Variants in COL27A1 observed in about 807,000 individuals in gnomAD.
The protein encoded by COL27A1 is collagen type XXVII alpha 1 chain, also known as collagen alpha-1(XXVII) chain.
Under a neutral mutation model 251.3 loss-of-function variants are expected in COL27A1, and 106 were observed. The observed-to-expected ratio is 0.42, with a 90% CI of 0.36 to 0.50. The LOEUF is 0.50. Ranked by LOEUF, COL27A1 falls within the 20% of genes least tolerant of loss-of-function variation. COL27A1 has a pLI of 0.00. For missense variants in COL27A1, 2,325 were observed against 2,522.8 expected, an observed-to-expected ratio of 0.92 and a Z score of 1.68; for synonymous variants, 1,000 against 986.3, an observed-to-expected ratio of 1.01 and a Z score of -0.26.
intron 41 of COL27A1, among the ~76,000 whole-genome samples, chr9:114,286,570 T>G (rs1296958062): frequency 6.6e-6 from 1 of 152,164 alleles, no homozygotes; most frequent in Admixed American, 6.5e-5. Flanking sequence ...GGGATGAGAC[T>G]CTGGGACTTG....
chr9:114,205,784 C>G lies in COL27A1; in HGVS notation c.2195C>G (p.Pro732Arg). Residue 732 changes from proline to arginine, a missense_variant, in exon 9 of 61, where the codon CCA (proline) becomes CGA (arginine). Pro to Arg is a moderately radical substitution (Grantham distance 103). Transcript: ENST00000356083. ...EQGQPGPEGSPGAKGYPGRQG... is the reference protein window; with the variant it reads ...EQGQPGPEGSRGAKGYPGRQG... Reference sequence around the variant, plus strand: ...GGGCAGCCAGGACCTGAGGGCAGCCCAGGGGCCAAAGGTTACCCTGGCAGG... The same window carrying G: ...GGGCAGCCAGGACCTGAGGGCAGCCGAGGGGCCAAAGGTTACCCTGGCAGG... 6.2e-7 allele frequency: 1 copy of G among 1,614,032 alleles called. No homozygotes were observed. Among genetic ancestry groups the G allele is most frequent in the Middle Eastern group, 1.7e-4 (1 of 6,056 alleles).
chr9:114,161,216 C>T lies in COL27A1; in HGVS notation c.63-1499C>T, dbSNP rs374789553. Among the ~76,000 whole-genome samples, 3 of 152,124 alleles carry T rather than the reference C, an allele frequency of 2.0e-5. No homozygotes were observed. In the East Asian group the frequency reaches 5.8e-4, roughly 29 times the overall value. The stretch of plus-strand genomic sequence containing the variant: ...CGAGCAGTATGTCCTTACTCAACAA[C>T]ATATAAAGACTTGAAGAAAACCTTC... On this transcript the variant is annotated intron_variant, in intron 1 of 60. Coordinates refer to ENST00000356083, the MANE Select transcript of COL27A1 (RefSeq NM_032888.4).
At chr9:114,270,676 G>A (rs1356961777) in intron 35 of COL27A1, 52 bp from the exon 36 acceptor site, 65 of 1,423,822 alleles carry the variant, frequency 4.6e-5, no homozygotes, top group South Asian at 4.4e-4. Flanking sequence ...AAAGCACACC[G>A]GGGCCTCCTC....
rs1384402295 is a variant in COL27A1 at position 114,292,701 on chromosome 9, A to G, written c.4584+491A>G. On this transcript the variant is annotated intron_variant, in intron 49 of 60. Transcript: ENST00000356083. ...AGACCCAACTACATCTGCTGCTACA[A>G]GAAATCCACTTCAAATATAAAGATA... is the stretch of plus-strand genomic sequence containing the variant. Among the ~76,000 whole-genome samples, 3 of 152,258 alleles carry G rather than the reference A, an allele frequency of 2.0e-5. No homozygotes were observed. The South Asian group carries it at 6.2e-4, about 31-fold the overall frequency.
At position 114,250,617 on chromosome 9, in the gene COL27A1, A is replaced by T. The variant is rs1314384469; in HGVS notation, c.2982A>T (p.Gly994=). Residue 994 remains glycine, a splice_region_variant and synonymous_variant, in exon 25 of 61, where the codon GGA becomes GGT. Coordinates refer to ENST00000356083, the MANE Select transcript of COL27A1 (RefSeq NM_032888.4). ...PGRPGPVGEQ[G]FMGFIGLVGE... The stretch of plus-strand genomic sequence containing the variant: ...GCTTTCGGGAATGTGTCTCATAGGG[A>T]TTTATGGGATTCATTGGTCTGGTCG... 5 of 1,611,548 alleles carry T rather than the reference A, an allele frequency of 3.1e-6. No homozygotes were observed. The highest frequency in any genetic ancestry group is 2.5e-6 in the Non-Finnish European group (3 of 1,177,894).
intron 3 of COL27A1, among the ~76,000 whole-genome samples, chr9:114,175,425 G>C (rs1827344482): frequency 6.6e-6 from 1 of 152,272 alleles, no homozygotes; most frequent in African/African-American, 2.4e-5. Context: ...GGGGAGAGGG[G>C]CCAGGGGGCA....
rs1226775120 is a variant in COL27A1 at position 114,304,613 on chromosome 9, A to G, written c.4878A>G (p.Gln1626=). Residue 1626 remains glutamine, a synonymous_variant, in exon 57 of 61, where the codon CAA becomes CAG. Coordinates refer to ENST00000356083, the MANE Select transcript of COL27A1 (RefSeq NM_032888.4). Reference sequence around the variant, plus strand: ...CCTGTCTTTTCCTTGCCCAGCAACAAGATGATCTTGGGGCAGCTTTCCAGA... The same window carrying G: ...CCTGTCTTTTCCTTGCCCAGCAACAGGATGATCTTGGGGCAGCTTTCCAGA... ...GPPGGPIQLQ[Q]DDLGAAFQTW... 4 of 1,614,198 alleles carry G rather than the reference A, an allele frequency of 2.5e-6. No homozygotes were observed. In the South Asian group the frequency reaches 4.4e-5, roughly 18 times the overall value.
chr9:114,283,896 C>A (rs1836090415), intron 40 of COL27A1, 134 bp downstream of exon 40: 2 of 893,130 alleles, frequency 2.2e-6, no homozygotes, highest in Non-Finnish European at 3.5e-6. Flanking sequence ...TGGGGTCTCA[C>A]CTGCCCCAGG....
chr9:114,198,948 G>A (rs1355931553), intron 7 of COL27A1, among the ~76,000 whole-genome samples: 1 of 152,178 alleles, frequency 6.6e-6, no homozygotes, highest in Non-Finnish European at 1.5e-5. Context: ...CACAGGGCTG[G>A]CACACGGCTG....
chr9:114,288,584 G>T, intron 42 of COL27A1, 73 bp downstream of exon 42: 1 of 1,548,918 alleles, frequency 6.5e-7, no homozygotes, highest in Non-Finnish European at 8.8e-7. Context: ...ATGGAGAGGG[G>T]TGGGCCGATC....
intron 5 of COL27A1, among the ~76,000 whole-genome samples, chr9:114,192,775 T>C (rs1285509232): frequency 6.6e-6 from 1 of 152,146 alleles, no homozygotes; most frequent in Non-Finnish European, 1.5e-5. Context: ...CTGCACATAG[T>C]AGGTGAGCAG....
chr9:114,165,649 T>C (rs1024167929), intron 2 of COL27A1, among the ~76,000 whole-genome samples: 1 of 136,442 alleles, frequency 7.3e-6, no homozygotes, highest in Non-Finnish European at 1.6e-5. Context: ...TCCATCCATT[T>C]ATCCATCCAT....
intron 28 of COL27A1, among the ~76,000 whole-genome samples, chr9:114,259,046 A>G (rs577115631): frequency 1.3e-5 from 2 of 152,352 alleles, no homozygotes; most frequent in East Asian, 3.9e-4. Context: ...AGGAAGTATT[A>G]GCAGCCTGGA....
chr9:114,178,869 G>C (rs1351659260), intron 4 of COL27A1, among the ~76,000 whole-genome samples: 2 of 152,160 alleles, frequency 1.3e-5, no homozygotes, highest in East Asian at 3.9e-4. Flanking sequence ...TAGCTCCTAT[G>C]TGATGTGCCT....
intron 48 of COL27A1, among the ~76,000 whole-genome samples, 180 bp from the exon 49 acceptor site, chr9:114,291,923 T>C (rs757864394): frequency 1.9e-4 from 29 of 152,008 alleles, no homozygotes; most frequent in Non-Finnish European, 2.2e-4. Flanking sequence ...GACCTTCCTC[T>C]TTGGGAGGTG....
chr9:114,196,103 T>TCCCCAG, intron 7 of COL27A1, 91 bp downstream of exon 7: 1 of 1,125,702 alleles, frequency 8.9e-7, no homozygotes, highest in Non-Finnish European at 1.4e-6. Context: ...CACCTGCCTC[T>TCCCCAG]CCCCAGCCCC....
chr9:114,268,049 C>G (rs756747047), intron 34 of COL27A1, among the ~76,000 whole-genome samples: 34 of 152,356 alleles, frequency 2.2e-4, no homozygotes, highest in African/African-American at 7.2e-4. Flanking sequence ...CCAGTCACCC[C>G]CTTCCATGCC....
intron 23 of COL27A1, among the ~76,000 whole-genome samples, chr9:114,245,348 G>A (rs185358554): frequency 1.6e-4 from 25 of 152,058 alleles, no homozygotes; most frequent in African/African-American, 6.0e-4. Flanking sequence ...GTAGAGATGG[G>A]GTTTCTCCAT....
chr9:114,217,885 A>G (rs1224294035), intron 12 of COL27A1: 4 of 462,950 alleles, frequency 8.6e-6, no homozygotes, highest in Non-Finnish European at 1.8e-5. Context: ...AGGCCAAGGC[A>G]GGCAGATCGC....
Sources: allele counts gnomAD v4.1 joint callset (sites outside exome capture counted in the v4.1 genomes callset), GRCh38; gene constraint gnomAD v4.1.1; transcripts MANE v1.5; gene names NCBI Gene and HGNC (gene_info 2026-07-23, HGNC 2026-07-21).